NUP155: variants seen among roughly 807,000 people sequenced by gnomAD.
The protein encoded by NUP155 is nuclear pore complex protein Nup155.
NUP155 carries 71 observed loss-of-function variants against 180.4 expected under a neutral mutation model. The ratio of observed to expected loss-of-function variants is 0.39; its 90% CI spans 0.33 to 0.48. The LOEUF (loss-of-function observed/expected upper bound fraction) is 0.48, where lower values mean the gene tolerates loss of function less well. NUP155 is among the 20% of genes least tolerant of loss of function. The probability of loss-of-function intolerance (pLI) is 0.91; values close to 1 mark genes in which losing one functional copy is unlikely to be tolerated. For synonymous variants in NUP155, 582 were observed against 559.5 expected (o/e 1.04, Z -0.57); for missense variants, 1,553 against 1,648.9 (o/e 0.94, Z 1.01).
intron 5 of NUP155, among the ~76,000 whole-genome samples, chr5:37,352,323 A>G (rs1004545229): frequency 6.6e-6 from 1 of 151,932 alleles, no homozygotes; most frequent in African/African-American, 2.4e-5. Context: ...GCACCACTAC[A>G]CTCCAGCCCG....
intron 17 of NUP155, 78 bp from the exon 18 acceptor site, chr5:37,327,854 C>T: frequency 1.3e-6 from 2 of 1,491,494 alleles, no homozygotes; most frequent in African/African-American, 1.4e-5. Flanking sequence ...AATCTTAGAA[C>T]CCATAAATCT....
chr5:37,332,089 G>A (rs572340329), intron 13 of NUP155, among the ~76,000 whole-genome samples: 45 of 149,980 alleles, frequency 3.0e-4, no homozygotes, highest in Middle Eastern at 3.5e-3. Context: ...CAATTGCCCC[G>A]GCAAAGCTGC....
chr5:37,349,098 A>T (rs1182762916), intron 8 of NUP155, 74 bp downstream of exon 8: 6 of 386,768 alleles, frequency 1.6e-5, no homozygotes, highest in Non-Finnish European at 2.8e-5. Flanking sequence ...GGAAAAATTT[A>T]AGAGGTGGGA....
intron 1 of NUP155, among the ~76,000 whole-genome samples, chr5:37,368,606 G>A (rs1176843535): frequency 6.6e-6 from 1 of 151,862 alleles, no homozygotes; most frequent in African/African-American, 2.4e-5. Context: ...GATCACATGA[G>A]GTCAGGAGAT....
intron 9 of NUP155, among the ~76,000 whole-genome samples, chr5:37,345,434 G>A (rs1404974811): frequency 6.6e-6 from 1 of 150,756 alleles, no homozygotes; most frequent in East Asian, 1.9e-4. Flanking sequence ...CTTGAGCCTG[G>A]GAGGAGGAGG....
Position 37,309,597 on chromosome 5 carries a change from G to A in NUP155, c.2629-330C>T, listed in dbSNP as rs915472930. On this transcript the variant is annotated intron_variant, in intron 23 of 34. Coordinates refer to ENST00000231498, the MANE Select transcript of NUP155 (RefSeq NM_153485.3). ...CCTGTAGGAAAGGATCAATAAAAAT[G>A]CCCCCATTAACTCTAATTCACTAAA... The A allele has an allele frequency of 2.9e-5, 7 of 238,260 alleles. No homozygotes were observed. In the Admixed American group the frequency reaches 3.5e-4, roughly 12 times the overall value. 14.8% of individuals were successfully genotyped at this position (238,260 alleles called of 1,614,324 possible).
chr5:37,294,572 C>T, intron 32 of NUP155, 107 bp from the exon 33 acceptor site: 1 of 1,145,566 alleles, frequency 8.7e-7, no homozygotes, highest in Non-Finnish European at 1.3e-6. Context: ...TTCTGAAATC[C>T]AATTGCAATT....
At chr5:37,311,586 G>A (rs924879393) in intron 22 of NUP155, among the ~76,000 whole-genome samples, 4 of 151,788 alleles carry the variant, frequency 2.6e-5, no homozygotes, top group East Asian at 3.9e-4. Flanking sequence ...GCCTTCCAAC[G>A]TTGAAAAATG....
chr5:37,335,343 C>T (rs1047756718), intron 12 of NUP155, among the ~76,000 whole-genome samples: 1 of 145,970 alleles, frequency 6.9e-6, no homozygotes, highest in African/African-American at 2.6e-5. Flanking sequence ...TATGCCACTG[C>T]ACTCCACTCC....
intron 31 of NUP155, 123 bp from the exon 32 acceptor site, chr5:37,299,101 T>C: frequency 1.4e-6 from 1 of 717,126 alleles, no homozygotes; most frequent in Non-Finnish European, 2.5e-6. Context: ...ATTAATATGA[T>C]TAACAGATTT....
At chr5:37,295,576 A>G (rs1272493797) in intron 32 of NUP155, among the ~76,000 whole-genome samples, 19 of 139,890 alleles carry the variant, frequency 1.4e-4, no homozygotes, top group Admixed American at 4.3e-4. Flanking sequence ...ATCTCTGCCC[A>G]GCCGCCATCC....
intron 21 of NUP155, among the ~76,000 whole-genome samples, chr5:37,315,080 A>C (rs1453510128): frequency 1.3e-5 from 2 of 151,796 alleles, no homozygotes; most frequent in African/African-American, 2.4e-5. Context: ...GAAAACACAA[A>C]AACTAGATGG....
Position 37,294,374 on chromosome 5 carries a change from T to C in NUP155, c.3885A>G (p.Pro1295=), listed in dbSNP as rs144851916. 1.9e-5 allele frequency: 31 copies of C among 1,605,610 alleles called. No homozygotes were observed. Among genetic ancestry groups the C allele is most frequent in the African/African-American group, 9.4e-5 (7 of 74,822 alleles). Residue 1295 remains proline, a synonymous_variant, in exon 33 of 35, where the codon CCA becomes CCG. Coordinates refer to ENST00000231498, the MANE Select transcript of NUP155 (RefSeq NM_153485.3). ...VIQTMNEIGV[P]LPRLLEVYDQ... ...CATAAACTTCTAGTAGTCTAGGTAA[T>C]GGTACTCCAATTTCATTCATTGTCT...
At chr5:37,292,101 T>C (rs2150933482) in intron 34 of NUP155, 63 bp from the exon 35 acceptor site, 1 of 1,512,196 alleles carries the variant, frequency 6.6e-7, no homozygotes, top group Non-Finnish European at 9.2e-7. Flanking sequence ...GCAGGACTTC[T>C]TCCCCACCAA....
intron 24 of NUP155, among the ~76,000 whole-genome samples, chr5:37,308,875 CA>C (rs59572976): frequency 2.3e-3 from 155 of 68,846 alleles, no homozygotes; most frequent in East Asian, 5.4e-3. Flanking sequence ...GCGAGACTCT[CA>C]AAAAAAAAAA....
rs1438094838 is a variant in NUP155, at chr5:37,305,045, T to TG, written c.3057+11_3057+12insC. ...GTGTATTCTCAGAATGAAAATATAC[T>TG]ATGTCCCTTACATGATGTCCTGCTT... is the stretch of plus-strand genomic sequence containing the variant. On this transcript the variant is annotated intron_variant, in intron 26 of 34. Transcript: ENST00000231498. 1.2e-6 allele frequency: 2 copies of TG among 1,612,818 alleles called. No individual in the cohort carries two copies. The highest frequency in any genetic ancestry group is 8.5e-7 in the Non-Finnish European group (1 of 1,179,754).
chr5:37,302,694 T>C, intron 29 of NUP155, 85 bp downstream of exon 29: 2 of 1,376,222 alleles, frequency 1.5e-6, no homozygotes, highest in South Asian at 1.2e-5. Context: ...CTCAGACCTA[T>C]TACTTACCAA....
chr5:37,295,629 T>C (rs1275648499), intron 32 of NUP155, among the ~76,000 whole-genome samples: 4 of 136,752 alleles, frequency 2.9e-5, no homozygotes, highest in Non-Finnish European at 6.5e-5. Flanking sequence ...CGCCATCCCA[T>C]CTAGGAAGTG....
Position 37,349,167 on chromosome 5 carries a change from C to T in NUP155, c.903+5G>A. On this transcript the variant is annotated splice_donor_5th_base_variant and intron_variant, in intron 8 of 34. Transcript: ENST00000231498. Reference sequence around the variant, plus strand: ...TCTTAATGGTATAATAATATTAATACTAACCTGTATTACTCCTTTCTCAGA... The same window carrying T: ...TCTTAATGGTATAATAATATTAATATTAACCTGTATTACTCCTTTCTCAGA... 1.5e-6 allele frequency: 1 copy of T among 652,804 alleles called. No individual in the cohort carries two copies. Among genetic ancestry groups the T allele is most frequent in the Non-Finnish European group, 2.5e-6 (1 of 400,842 alleles). The allele number at this position is 652,804 out of a possible 1,614,324, so 40.4% of individuals were successfully genotyped here.
Sources: allele counts gnomAD v4.1 joint callset (sites outside exome capture counted in the v4.1 genomes callset), GRCh38; gene constraint gnomAD v4.1.1; transcripts MANE v1.5; gene names NCBI Gene and HGNC (gene_info 2026-07-23, HGNC 2026-07-21).